Variants in POU2F1 observed in about 807,000 individuals in gnomAD.
The protein encoded by POU2F1 is POU class 2 homeobox 1, also known as POU domain, class 2, transcription factor 1.
Under a neutral mutation model 84.9 loss-of-function variants are expected in POU2F1, and 16 were observed. The ratio of observed to expected loss-of-function variants is 0.19; its 90% CI spans 0.13 to 0.29. The LOEUF (loss-of-function observed/expected upper bound fraction) is 0.29, where lower values mean the gene tolerates loss of function less well. POU2F1 is among the 10% of genes least tolerant of loss of function. POU2F1 has a pLI of 1.00. For missense variants in POU2F1, 738 were observed against 942.6 expected (o/e 0.78, Z 2.84); for synonymous variants, 368 against 368.3 (o/e 1.00, Z 0.01).
chr1:167,385,720 A>G lies in POU2F1; in HGVS notation c.813+1769A>G, dbSNP rs72693649. ...AAAAAAATCTTTGTGTCCTTGGGTT[A>G]GGCAAGGATTTCTTAAATAGGACAC... On this transcript the variant is annotated intron_variant, in intron 8 of 15. Transcript: ENST00000367866. Among the ~76,000 whole-genome samples the G allele has an allele frequency of 8.7e-3, 1,318 of 152,316 alleles. 15 individuals are homozygous for G. Among genetic ancestry groups the G allele is most frequent in the Middle Eastern group, 0.017 (5 of 294 alleles).
intron 2 of POU2F1, among the ~76,000 whole-genome samples, chr1:167,345,917 T>G (rs1658162008): frequency 6.6e-6 from 1 of 151,786 alleles, no homozygotes; most frequent in Non-Finnish European, 1.5e-5. Context: ...TCCCAACACT[T>G]TGGGACATCA....
intron 1 of POU2F1, among the ~76,000 whole-genome samples, chr1:167,328,228 A>G (rs898642664): frequency 6.6e-6 from 1 of 152,184 alleles, no homozygotes; most frequent in Admixed American, 6.5e-5. Flanking sequence ...ATACTGCATA[A>G]TATGTAGCAT....
At chr1:167,385,517 A>T (rs1157837760) in intron 8 of POU2F1, among the ~76,000 whole-genome samples, 6 of 152,186 alleles carry the variant, frequency 3.9e-5, no homozygotes, top group African/African-American at 1.4e-4. Flanking sequence ...ATCCACATGT[A>T]TATGGCCAAC....
chr1:167,338,215 A>G (rs926221538), intron 2 of POU2F1: 5 of 466,828 alleles, frequency 1.1e-5, no homozygotes, highest in Non-Finnish European at 2.2e-5. Context: ...GCATGAAGAC[A>G]AGGATGAAGA....
chr1:167,237,600 A>T (rs1423576532), intron 1 of POU2F1, among the ~76,000 whole-genome samples: 1 of 151,790 alleles, frequency 6.6e-6, no homozygotes, highest in Non-Finnish European at 1.5e-5. Flanking sequence ...GTCATTTTGT[A>T]CTACCATTTG....
chr1:167,382,806 T>C (rs1647662545), intron 7 of POU2F1, among the ~76,000 whole-genome samples: 1 of 152,208 alleles, frequency 6.6e-6, no homozygotes. Flanking sequence ...ATTTATCTTA[T>C]TTGTGACCTA....
At chr1:167,275,823 A>G (rs772043148) in intron 1 of POU2F1, among the ~76,000 whole-genome samples, 27 of 152,210 alleles carry the variant, frequency 1.8e-4, no homozygotes, top group Non-Finnish European at 3.1e-4. Flanking sequence ...TCTGTGAAAC[A>G]CTGCTTATGT....
intron 1 of POU2F1, among the ~76,000 whole-genome samples, chr1:167,291,379 C>T (rs1557872296): frequency 2.6e-5 from 4 of 152,144 alleles, no homozygotes; most frequent in East Asian, 1.9e-4. Context: ...TATAGGACAG[C>T]GGTGCTTAAG....
Position 167,415,677 on chromosome 1 carries a change from C to G in POU2F1, c.2168C>G (p.Ala723Gly), listed in dbSNP as rs1054231542. The G allele has an allele frequency of 2.5e-6, 4 of 1,614,200 alleles. No individual in the cohort carries two copies. The highest frequency in any genetic ancestry group is 1.7e-6 in the Non-Finnish European group (2 of 1,180,034). The change falls in exon 16 of 16, where the codon GCA becomes GGA. Residue 723 changes from alanine (A) to glycine (G), a missense_variant. This residue lies in a region of POU2F1 where 319 missense variants were observed against 386.0 expected (regional missense o/e 0.83). Coordinates refer to ENST00000367866, the MANE Select transcript of POU2F1 (RefSeq NM_002697.4). ...TTGGTCTCTGCCGCCGCAGCATCTG[C>G]AGGGAACTCTGCACCTGTAGCCAGC... The part of the protein sequence containing the change: ...VSLVSAAAAS[A>G]GNSAPVASLH...
chr1:167,233,235 C>T (rs975417388), intron 1 of POU2F1, among the ~76,000 whole-genome samples: 1 of 151,246 alleles, frequency 6.6e-6, no homozygotes, highest in African/African-American at 2.4e-5. Flanking sequence ...TTCCAGGGCT[C>T]AGATGAGCCT....
intron 1 of POU2F1, among the ~76,000 whole-genome samples, chr1:167,296,682 T>C (rs913705398): frequency 4.7e-4 from 71 of 152,146 alleles, no homozygotes; most frequent in African/African-American, 1.7e-3. Flanking sequence ...AAACAAAAAA[T>C]AGAAATGTAT....
intron 1 of POU2F1, among the ~76,000 whole-genome samples, chr1:167,314,538 A>G (rs181744386): frequency 6.6e-6 from 1 of 152,088 alleles, no homozygotes; most frequent in Admixed American, 6.5e-5. Flanking sequence ...ATACTTAGGA[A>G]GGCTGAGGTG....
At chr1:167,350,669 A>C (rs1658492177) in intron 2 of POU2F1, among the ~76,000 whole-genome samples, 1 of 142,854 alleles carries the variant, frequency 7.0e-6, no homozygotes, top group South Asian at 2.2e-4. Flanking sequence ...GCAAGACTCC[A>C]TCTCAAAAAA....
At chr1:167,371,790 G>A in intron 4 of POU2F1, 127 bp from the exon 5 acceptor site, 1 of 1,255,388 alleles carries the variant, frequency 8.0e-7, no homozygotes. Context: ...ATAAAAGAAA[G>A]GAGGTAAACC....
chr1:167,387,941 T>C (rs1648111359), intron 8 of POU2F1, among the ~76,000 whole-genome samples: 1 of 152,206 alleles, frequency 6.6e-6, no homozygotes, highest in African/African-American at 2.4e-5. Context: ...ATTTTATCAA[T>C]GTTAGAAATA....
intron 1 of POU2F1, among the ~76,000 whole-genome samples, chr1:167,226,151 G>A (rs994906241): frequency 6.6e-6 from 1 of 152,196 alleles, no homozygotes; most frequent in African/African-American, 2.4e-5. Flanking sequence ...CTAAATGCCT[G>A]AGCAAATGTA....
At chr1:167,268,187 TCTA>T (rs746979431) in intron 1 of POU2F1, among the ~76,000 whole-genome samples, 47 of 152,256 alleles carry the variant, frequency 3.1e-4, no homozygotes, top group East Asian at 1.9e-3. Flanking sequence ...CAGGAAAAAA[TCTA>T]CTAACAAATT....
chr1:167,325,887 C>CAAA (rs1184183063), intron 1 of POU2F1, among the ~76,000 whole-genome samples: 3 of 99,510 alleles, frequency 3.0e-5, no homozygotes, highest in African/African-American at 6.5e-5. Flanking sequence ...AACTCCATCT[C>CAAA]AAAAAAAAAA....
intron 9 of POU2F1, among the ~76,000 whole-genome samples, chr1:167,395,426 A>AT (rs992374320): frequency 2.4e-4 from 36 of 151,574 alleles, no homozygotes; most frequent in Non-Finnish European, 3.2e-4. Flanking sequence ...GTGAAAATAG[A>AT]TTTTTTTTTC....
Sources: allele counts gnomAD v4.1 joint callset (sites outside exome capture counted in the v4.1 genomes callset), GRCh38; gene constraint gnomAD v4.1.1; regional missense constraint gnomAD v4.1.1; transcripts MANE v1.5; gene names NCBI Gene and HGNC (gene_info 2026-07-23, HGNC 2026-07-21).